PAM: variants seen among roughly 807,000 people sequenced by gnomAD.
PAM encodes the protein peptidylglycine alpha-amidating monooxygenase.
In PAM, 72 loss-of-function variants were observed where a neutral mutation model predicts 122.1. The ratio of observed to expected loss-of-function variants is 0.59; its 90% CI spans 0.49 to 0.72. PAM has a LOEUF of 0.72. Ranked by LOEUF, PAM falls within the 30% of genes least tolerant of loss-of-function variation. The pLI is 0.00. For missense variants in PAM, 1,106 were observed against 1,183.7 expected, an observed-to-expected ratio of 0.93 and a Z score of 0.96; for synonymous variants, 389 against 404.4, an observed-to-expected ratio of 0.96 and a Z score of 0.46.
At chr5:102,826,954 T>C (rs1773829590) in intron 1 of PAM, among the ~76,000 whole-genome samples, 1 of 152,196 alleles carries the variant, frequency 6.6e-6, no homozygotes, top group African/African-American at 2.4e-5. Context: ...AGAGAATTTT[T>C]CCTTGTAGTA....
chr5:102,989,821 T>TAGATAGATAGAC (rs1773461256), intron 15 of PAM: 5 of 151,932 alleles, frequency 3.3e-5, no homozygotes, highest in African/African-American at 1.2e-4. Context: ...GATAGATAGA[T>TAGATAGATAGAC]AGATAGATAG....
At chr5:102,969,825 T>C (rs890006594) in intron 14 of PAM, among the ~76,000 whole-genome samples, 2 of 152,182 alleles carry the variant, frequency 1.3e-5, no homozygotes, top group Admixed American at 6.5e-5. Context: ...TTGGTAGTCA[T>C]GTGCCTGGAG....
intron 3 of PAM, among the ~76,000 whole-genome samples, chr5:102,883,022 G>A (rs879044429): frequency 2.0e-5 from 3 of 151,664 alleles, no homozygotes; most frequent in African/African-American, 7.3e-5. Flanking sequence ...AAGATCAGTT[G>A]ACTATAAGTA....
chr5:102,860,935 G>A (rs1784004392), intron 1 of PAM, among the ~76,000 whole-genome samples: 1 of 152,116 alleles, frequency 6.6e-6, no homozygotes, highest in Admixed American at 6.5e-5. Flanking sequence ...CCTTCAGTGG[G>A]TGGGGCTGAC....
chr5:102,987,601 A>T (rs1772331278), intron 15 of PAM: 1 of 445,966 alleles, frequency 2.2e-6, no homozygotes, highest in Non-Finnish European at 4.5e-6. Context: ...CCCTGATTTG[A>T]TCATGCTTGT....
At chr5:102,768,648 T>C (rs890230401) in intron 1 of PAM, among the ~76,000 whole-genome samples, 2 of 152,200 alleles carry the variant, frequency 1.3e-5, no homozygotes, top group African/African-American at 4.8e-5. Flanking sequence ...ATTACATCCA[T>C]GTTGTTGCAA....
intron 6 of PAM, among the ~76,000 whole-genome samples, chr5:102,926,072 G>T (rs563284932): frequency 6.6e-6 from 1 of 152,040 alleles, no homozygotes; most frequent in African/African-American, 2.4e-5. Context: ...AAACAAAATG[G>T]GAGAATGGGT....
intron 1 of PAM, among the ~76,000 whole-genome samples, chr5:102,780,252 G>A (rs1479779099): frequency 6.6e-6 from 1 of 152,018 alleles, no homozygotes; most frequent in Non-Finnish European, 1.5e-5. Flanking sequence ...TTTACTGGGA[G>A]TGTTGGAAGA....
chr5:102,849,934 C>G (rs1017800745), intron 1 of PAM, among the ~76,000 whole-genome samples: 13 of 152,052 alleles, frequency 8.5e-5, no homozygotes, highest in African/African-American at 3.1e-4. Flanking sequence ...GTTTTTAGTA[C>G]TATTTGACTT....
chr5:102,949,720 A>G, intron 10 of PAM, 103 bp downstream of exon 10: 9 of 755,456 alleles, frequency 1.2e-5, no homozygotes, highest in Non-Finnish European at 2.1e-5. Context: ...TTTCAATGAA[A>G]GTGATTTCAT....
chr5:102,872,328 CTTAAG>C (rs1342048070), intron 3 of PAM, among the ~76,000 whole-genome samples: 2 of 152,144 alleles, frequency 1.3e-5, no homozygotes, highest in Non-Finnish European at 1.5e-5. Context: ...AAATTAGAAT[CTTAAG>C]TTATTACTTA....
At chr5:102,833,456 G>A (rs1776013190) in intron 1 of PAM, among the ~76,000 whole-genome samples, 1 of 152,106 alleles carries the variant, frequency 6.6e-6, no homozygotes, top group South Asian at 2.1e-4. Context: ...TTACATGAAG[G>A]TCATCAGGGC....
At chr5:102,780,017 A>T (rs1426639158) in intron 1 of PAM, among the ~76,000 whole-genome samples, 1 of 150,728 alleles carries the variant, frequency 6.6e-6, no homozygotes, top group Non-Finnish European at 1.5e-5. Flanking sequence ...AAATTTGGAG[A>T]GTTCCAGAAA....
At chr5:102,852,499 G>C (rs1423850057) in intron 1 of PAM, among the ~76,000 whole-genome samples, 11 of 151,854 alleles carry the variant, frequency 7.2e-5, no homozygotes, top group Non-Finnish European at 1.2e-4. Flanking sequence ...GTTTCTGGTT[G>C]GGATTATTAG....
chr5:102,767,370 G>T (rs902582897), intron 1 of PAM, among the ~76,000 whole-genome samples: 1 of 152,120 alleles, frequency 6.6e-6, no homozygotes, highest in Admixed American at 6.5e-5. Context: ...TTTATCAGAT[G>T]AGCATGCTTT....
chr5:102,943,669 A>C (rs1756036905), intron 7 of PAM, among the ~76,000 whole-genome samples: 1 of 152,154 alleles, frequency 6.6e-6, no homozygotes, highest in Admixed American at 6.5e-5. Context: ...CAACACACTT[A>C]ATCTCTGTGA....
chr5:102,820,000 A>G (rs1194609997), intron 1 of PAM, among the ~76,000 whole-genome samples: 3 of 152,202 alleles, frequency 2.0e-5, no homozygotes, highest in Non-Finnish European at 4.4e-5. Context: ...CTTTAGCTGA[A>G]GGCATCAAAT....
At chr5:102,941,189 T>C (rs1230024436) in intron 7 of PAM, among the ~76,000 whole-genome samples, 2 of 152,164 alleles carry the variant, frequency 1.3e-5, no homozygotes, top group Non-Finnish European at 2.9e-5. Flanking sequence ...TAAAAGCAGG[T>C]TGGAGAGCCT....
Position 102,950,416 on chromosome 5 carries a change from G to GGTGTGTGTGTGTGTGTGTGTGTGTGTGT in PAM, c.802-277_802-276insGTGTGTGTGTGTGTGTGTGTGTGTGTGT, listed in dbSNP as rs1554134180. 2.1e-4 allele frequency among the ~76,000 whole-genome samples: 31 copies of GGTGTGTGTGTGTGTGTGTGTGTGTGTGT among 146,060 alleles called. 1 individual carries two copies. The highest frequency in any genetic ancestry group is 7.7e-4 in the African/African-American group (30 of 39,008). ...CAGTGATTATTTGTGTATGTGGGTG[G>GGTGTGTGTGTGTGTGTGTGTGTGTGTGT]GTGTGTGTGTGTGTGTGTGTGTGTC... On this transcript the variant is annotated intron_variant, in intron 11 of 25. Transcript: ENST00000438793.
Sources: gnomAD v4.1 joint callset for allele counts (sites outside exome capture counted in the v4.1 genomes callset) on GRCh38, gnomAD v4.1.1 for gene constraint, MANE v1.5 for transcripts, NCBI Gene and HGNC (gene_info 2026-07-23, HGNC 2026-07-21) for gene names.